Variants in PTPN12 observed in about 807,000 individuals in gnomAD.
PTPN12 encodes the protein protein tyrosine phosphatase non-receptor type 12, also known as tyrosine-protein phosphatase non-receptor type 12.
A neutral mutation model predicts 97.6 loss-of-function variants in PTPN12; 29 were observed. The ratio of observed to expected loss-of-function variants is 0.30; its 90% CI spans 0.22 to 0.41. The LOEUF (loss-of-function observed/expected upper bound fraction) is 0.41. PTPN12 is among the 10% of genes least tolerant of loss of function. PTPN12 has a pLI of 1.00. For missense variants in PTPN12, 819 were observed against 926.0 expected, an observed-to-expected ratio of 0.88 and a Z score of 1.50; for synonymous variants, 327 against 300.4, an observed-to-expected ratio of 1.09 and a Z score of -0.91.
intron 9 of PTPN12, among the ~76,000 whole-genome samples, chr7:77,609,420 C>CG (rs1263243614): frequency 6.6e-6 from 1 of 150,990 alleles, no homozygotes; most frequent in Non-Finnish European, 1.5e-5. Context: ...TACATGCACG[C>CG]GGCACCATGC....
intron 8 of PTPN12, among the ~76,000 whole-genome samples, chr7:77,602,742 C>T (rs1441855293): frequency 6.6e-6 from 1 of 151,880 alleles, no homozygotes; most frequent in East Asian, 1.9e-4. Flanking sequence ...TACTTGAATC[C>T]TTAGACAGTT....
At chr7:77,601,579 GAC>G (rs1323318764) in intron 8 of PTPN12, among the ~76,000 whole-genome samples, 3 of 151,838 alleles carry the variant, frequency 2.0e-5, no homozygotes, top group Non-Finnish European at 2.9e-5. Context: ...TCAATTCTAA[GAC>G]ACACCATTAT....
At chr7:77,617,767 A>C (rs1236485361) in intron 11 of PTPN12, among the ~76,000 whole-genome samples, 1 of 151,260 alleles carries the variant, frequency 6.6e-6, no homozygotes, top group Non-Finnish European at 1.5e-5. Context: ...TTTTCATTTC[A>C]CCGCTCCCCT....
At chr7:77,589,389 T>C (rs1009441248) in intron 5 of PTPN12, among the ~76,000 whole-genome samples, 1 of 152,190 alleles carries the variant, frequency 6.6e-6, no homozygotes. Flanking sequence ...ATGATATATT[T>C]ACAGATAATT....
chr7:77,636,009 A>C (rs1372550824), intron 15 of PTPN12, among the ~76,000 whole-genome samples, 160 bp downstream of exon 15: 1 of 152,200 alleles, frequency 6.6e-6, no homozygotes, highest in Non-Finnish European at 1.5e-5. Context: ...TGAAAAGCCC[A>C]TATAAAAGGT....
chr7:77,543,500 GT>G (rs1562701327), intron 1 of PTPN12, among the ~76,000 whole-genome samples: 3 of 151,794 alleles, frequency 2.0e-5, no homozygotes, highest in Admixed American at 1.3e-4. Flanking sequence ...TAGCTTATAG[GT>G]TTAAAAAAAC....
chr7:77,547,247 T>A (rs1237604912), intron 1 of PTPN12, among the ~76,000 whole-genome samples: 1 of 152,164 alleles, frequency 6.6e-6, no homozygotes, highest in African/African-American at 2.4e-5. Context: ...GTACTGTGTT[T>A]TTGAATTGAC....
intron 13 of PTPN12, among the ~76,000 whole-genome samples, chr7:77,628,825 A>G (rs542096493): frequency 5.2e-4 from 79 of 152,116 alleles, no homozygotes; most frequent in Non-Finnish European, 9.0e-4. Context: ...GACGTGAGCT[A>G]CCACACCTGG....
intron 13 of PTPN12, among the ~76,000 whole-genome samples, chr7:77,628,248 C>T (rs760515950): frequency 6.6e-5 from 10 of 152,156 alleles, no homozygotes; most frequent in Non-Finnish European, 1.0e-4. Flanking sequence ...GGGCTATATG[C>T]ATACCTACTC....
intron 12 of PTPN12, among the ~76,000 whole-genome samples, chr7:77,622,975 T>C (rs1313718916): frequency 7.2e-6 from 1 of 139,310 alleles, no homozygotes; most frequent in Non-Finnish European, 1.6e-5. Context: ...ACTGAACTAA[T>C]AATAGTCTAA....
chr7:77,572,584 C>T (rs1325716508), intron 2 of PTPN12, among the ~76,000 whole-genome samples: 2 of 152,026 alleles, frequency 1.3e-5, no homozygotes, highest in African/African-American at 4.8e-5. Flanking sequence ...ATGTGGATAG[C>T]CTGTGTTGGC....
intron 14 of PTPN12, among the ~76,000 whole-genome samples, chr7:77,632,772 C>T (rs1750372232): frequency 2.0e-5 from 3 of 151,808 alleles, no homozygotes; most frequent in Non-Finnish European, 4.4e-5. Flanking sequence ...GCCTGGCCAA[C>T]ATGGTGAAAC....
rs1179793825 is a variant in PTPN12 at position 77,625,565 on chromosome 7, C to CTT, written c.1026-1118_1026-1117dup. Among the ~76,000 whole-genome samples the CTT allele has an allele frequency of 1.2e-3, 30 of 24,152 alleles. 9 individuals carry two copies. Among genetic ancestry groups the CTT allele is most frequent in the South Asian group, 3.9e-3 (2 of 512 alleles). 15.8% of individuals were successfully genotyped at this position (24,152 alleles called of 152,430 possible). On this transcript the variant is annotated intron_variant, in intron 12 of 17. Transcript: ENST00000248594. The stretch of plus-strand genomic sequence containing the variant: ...GCGCTCTCTCTCTCGCTCTCTCTCT[C>CTT]TTTTTTTTTTTTTTTTTTTTTTTGG...
At chr7:77,584,876 CAAAAAAAAA>C (rs932401569) in intron 4 of PTPN12, among the ~76,000 whole-genome samples, 1 of 88,596 alleles carries the variant, frequency 1.1e-5, no homozygotes, top group African/African-American at 4.1e-5. Flanking sequence ...GACTCCGTCT[CAAAAAAAAA>C]AAAAAAAATT....
intron 12 of PTPN12, among the ~76,000 whole-genome samples, chr7:77,622,801 C>G (rs929763002): frequency 6.8e-6 from 1 of 146,844 alleles, no homozygotes; most frequent in Non-Finnish European, 1.5e-5. Flanking sequence ...AATTAAAATA[C>G]TATAAATTTA....
rs753432136 is a variant in PTPN12 at position 77,537,505 on chromosome 7, C to T, written c.-42C>T. On this transcript the variant is annotated 5_prime_UTR_variant, in exon 1 of 18. Transcript: ENST00000248594. ...GCGGGCTCTGTGCCGGGCGGGCGGG[C>T]GGCGGGGGGGCCAGCGACCGCAGCC... is the stretch of plus-strand genomic sequence containing the variant. 6.1e-6 allele frequency: 5 copies of T among 815,742 alleles called. No homozygotes were observed. The African/African-American group carries it at 1.2e-4, about 19-fold the overall frequency. The allele number at this position is 815,742 out of a possible 1,614,324, so 50.5% of individuals were successfully genotyped here. A position where few individuals can be genotyped will look rare whatever the true frequency, so the allele number is the denominator to read the frequency against.
chr7:77,581,429 G>T lies in PTPN12; in HGVS notation c.211G>T (p.Asp71Tyr). ...TTTTATGAATTTTTTTCTCGTAGTT[G>T]ATCACAGCCGAGTTAAATTGACATT... is the stretch of plus-strand genomic sequence containing the variant. The part of the protein sequence containing the change: ...KNRYKDILPF[D>Y]HSRVKLTLKT... The change falls in exon 3 of 18, where the codon GAT becomes TAT. Residue 71 changes from aspartate to tyrosine, a missense_variant and splice_region_variant. Asp to Tyr is a radical substitution (Grantham distance 160, BLOSUM62 -3). This residue lies in a region of PTPN12 where 66 missense variants were observed against 133.6 expected (regional missense o/e 0.49). Coordinates refer to ENST00000248594, the MANE Select transcript of PTPN12 (RefSeq NM_002835.4). The T allele has an allele frequency of 1.9e-6, 3 of 1,601,402 alleles. No homozygotes were observed. The South Asian group carries it at 3.4e-5, about 18-fold the overall frequency.
In PTPN12 at chr7:77,582,117, C is replaced by G. The variant is rs1373037193; in HGVS notation, c.285+614C>G. ...TTTTTTTTTTTTTTTTTTTTTGAGA[C>G]GGAGTCTCGCTCTGTCTCCCAGTCT... On this transcript the variant is annotated intron_variant, in intron 3 of 17. Transcript: ENST00000248594. 8.0e-5 allele frequency among the ~76,000 whole-genome samples: 4 copies of G among 49,762 alleles called. No individual in the cohort carries two copies. The Admixed American group carries it at 1.3e-3, about 16-fold the overall frequency. The allele number at this position is 49,762 out of a possible 152,430, so 32.6% of individuals were successfully genotyped here. A position where few individuals can be genotyped will look rare whatever the true frequency, so the allele number is the denominator to read the frequency against.
At chr7:77,543,266 A>T (rs868349023) in intron 1 of PTPN12, among the ~76,000 whole-genome samples, 4 of 150,372 alleles carry the variant, frequency 2.7e-5, no homozygotes, top group African/African-American at 7.3e-5. Flanking sequence ...GTGTCTTTCC[A>T]TTTTTTTTAA....
Sources: allele counts gnomAD v4.1 joint callset (sites outside exome capture counted in the v4.1 genomes callset), GRCh38; gene constraint gnomAD v4.1.1; regional missense constraint gnomAD v4.1.1; transcripts MANE v1.5; gene names NCBI Gene and HGNC (gene_info 2026-07-23, HGNC 2026-07-21).